The following C10orf67 variants were observed in gnomAD, a reference collection of about 807,000 sequenced individuals.
The protein encoded by C10orf67 is chromosome 10 open reading frame 67, also known as uncharacterized protein C10orf67, mitochondrial.
C10orf67 carries 60 observed loss-of-function variants against 35.6 expected under a neutral mutation model. The ratio of observed to expected loss-of-function variants is 1.68; its 90% confidence interval spans 1.37 to 2.09. C10orf67 has a LOEUF of 2.09. Ranked by LOEUF, C10orf67 falls within the 30% of genes most tolerant of loss-of-function variation. The probability of loss-of-function intolerance (pLI) is 0.00; values close to 1 mark genes in which losing one functional copy is unlikely to be tolerated. For missense variants in C10orf67, 474 were observed against 330.2 expected, an observed-to-expected ratio of 1.44 and a Z score of -3.38; for synonymous variants, 167 against 115.8, an observed-to-expected ratio of 1.44 and a Z score of -2.84.
At chr10:23,259,684 T>C (rs1417426179) in intron 10 of C10orf67, among the ~76,000 whole-genome samples, 3 of 151,860 alleles carry the variant, frequency 2.0e-5, no homozygotes, top group African/African-American at 4.8e-5. Context: ...TGATAAACAA[T>C]AGACAGGGAA....
At chr10:23,338,896 C>T (rs1163698890) in intron 1 of C10orf67, among the ~76,000 whole-genome samples, 1 of 152,096 alleles carries the variant, frequency 6.6e-6, no homozygotes, top group East Asian at 1.9e-4. Flanking sequence ...GTGGCACACA[C>T]CTGCACTGCC....
intron 4 of C10orf67, among the ~76,000 whole-genome samples, chr10:23,310,470 A>C (rs1844457124): frequency 1.3e-5 from 2 of 152,254 alleles, no homozygotes. Flanking sequence ...GTCAATTGAC[A>C]GTAACCTGCT....
chr10:23,226,358 G>A (rs796533168), intron 13 of C10orf67, among the ~76,000 whole-genome samples: 1 of 152,064 alleles, frequency 6.6e-6, no homozygotes, highest in Admixed American at 6.6e-5. Context: ...ATAACAAAAT[G>A]AAGGCAGAAA....
intron 1 of C10orf67, 95 bp downstream of exon 1, chr10:23,344,474 G>A (rs1846058629): frequency 1.7e-6 from 2 of 1,193,122 alleles, no homozygotes; most frequent in East Asian, 5.1e-5. Context: ...TACCCCAGAG[G>A]AAAGCTGCAC....
intron 2 of C10orf67, 37 bp from the exon 3 acceptor site, chr10:23,322,574 C>G (rs1216121956): frequency 7.0e-7 from 1 of 1,435,442 alleles, no homozygotes; most frequent in Non-Finnish European, 9.6e-7. Flanking sequence ...CGAAGTAACA[C>G]AGGAACAGAA....
In C10orf67 at chr10:23,223,909, C is replaced by A. The variant is rs1554803262; in HGVS notation, c.1435-91G>T. ...TAATGTTCTCCAGCCTTTAGTTGAC[C>A]AAGATATGGAAACTATGCTTGTCAC... On this transcript the variant is annotated intron_variant, in intron 13 of 15. Coordinates refer to ENST00000636213, the MANE Select transcript of C10orf67 (RefSeq NM_001371909.1). The A allele has an allele frequency of 1.3e-5, 9 of 679,654 alleles. No homozygotes were observed. The South Asian group carries it at 1.5e-4, about 11-fold the overall frequency. 42.1% of individuals were successfully genotyped at this position (679,654 alleles called of 1,614,324 possible). A position where few individuals can be genotyped will look rare whatever the true frequency, so the allele number is the denominator to read the frequency against.
At chr10:23,230,269 A>C (rs1281978910) in intron 13 of C10orf67, among the ~76,000 whole-genome samples, 3 of 152,182 alleles carry the variant, frequency 2.0e-5, no homozygotes. Context: ...ATAAAAGGAA[A>C]TGAAACCAGA....
intron 1 of C10orf67, among the ~76,000 whole-genome samples, chr10:23,340,071 T>G (rs1845822115): frequency 6.6e-6 from 1 of 152,184 alleles, no homozygotes; most frequent in Non-Finnish European, 1.5e-5. Flanking sequence ...TCCTTCCCAT[T>G]TTAAGCAAAA....
chr10:23,313,982 C>T (rs910558297), intron 4 of C10orf67, among the ~76,000 whole-genome samples: 1 of 136,216 alleles, frequency 7.3e-6, no homozygotes, highest in Non-Finnish European at 1.5e-5. Context: ...CGCTGACTAT[C>T]GAAACTAGTT....
intron 13 of C10orf67, among the ~76,000 whole-genome samples, chr10:23,228,927 G>A (rs1250599401): frequency 1.3e-5 from 2 of 152,066 alleles, no homozygotes; most frequent in Non-Finnish European, 2.9e-5. Flanking sequence ...TAAAAAGCCA[G>A]GAAACAACAG....
intron 15 of C10orf67, among the ~76,000 whole-genome samples, chr10:23,222,433 T>G (rs1269514384): frequency 6.6e-6 from 1 of 152,140 alleles, no homozygotes; most frequent in Non-Finnish European, 1.5e-5. Context: ...CTGCATGTTC[T>G]CACTTATAAG....
rs57874839 is a variant in C10orf67 at position 23,328,685 on chromosome 10, T to TA, written c.327+4376dup. ...GATACCCAGATCCAACTCAAGAGATTAAAAAAAAAAAAAAAAAGCCAGGCA... is the reference window on the plus strand; with the variant it reads ...GATACCCAGATCCAACTCAAGAGATTAAAAAAAAAAAAAAAAAAGCCAGGCA... On this transcript the variant is annotated intron_variant, in intron 2 of 15. Coordinates refer to ENST00000636213, the MANE Select transcript of C10orf67 (RefSeq NM_001371909.1). Among the ~76,000 whole-genome samples, 134 of 138,132 alleles carry TA rather than the reference T, an allele frequency of 9.7e-4. 1 individual carries two copies. Among genetic ancestry groups the TA allele is most frequent in the East Asian group, 7.8e-3 (37 of 4,730 alleles). 90.6% of individuals were successfully genotyped at this position (138,132 alleles called of 152,430 possible). A position where few individuals can be genotyped will look rare whatever the true frequency, so the allele number is the denominator to read the frequency against.
In C10orf67 at chr10:23,320,782, G is replaced by C; in HGVS notation, c.505C>G (p.Gln169Glu). 1.3e-6 allele frequency: 2 copies of C among 1,591,096 alleles called. No homozygotes were observed. Among genetic ancestry groups the C allele is most frequent in the South Asian group, 1.2e-5 (1 of 86,660 alleles). ...EDKMRKSFNQ[Q>E]LADAIAVIKG... Reference sequence around the variant, plus strand: ...ATAACAGCTATGGCATCAGCTAACTGCTGATTGAAGGATTTTCTCATCTTA... The same window carrying C: ...ATAACAGCTATGGCATCAGCTAACTCCTGATTGAAGGATTTTCTCATCTTA... Residue 169 changes from glutamine (Q) to glutamate (E), a missense_variant, in exon 4 of 16, where the codon CAG becomes GAG. Physicochemically the swap from Gln to Glu is conservative, Grantham distance 29. Coordinates refer to ENST00000636213, the MANE Select transcript of C10orf67 (RefSeq NM_001371909.1).
At position 23,247,620 on chromosome 10, in the gene C10orf67, C is replaced by T. The variant is rs185538389; in HGVS notation, c.1346+2835G>A. 2.5e-3 allele frequency among the ~76,000 whole-genome samples: 381 copies of T among 152,190 alleles called. 1 individual carries two copies. The highest frequency in any genetic ancestry group is 4.0e-3 in the Non-Finnish European group (271 of 68,006). ...TATAATATGAGGATATTATGAATAA[C>T]TTTATATCAATAAATTAGACAATTC... On this transcript the variant is annotated intron_variant, in intron 12 of 15. Coordinates refer to ENST00000636213, the MANE Select transcript of C10orf67 (RefSeq NM_001371909.1).
chr10:23,344,056 G>T (rs371468466), intron 1 of C10orf67: 1 of 304,680 alleles, frequency 3.3e-6, no homozygotes, highest in Non-Finnish European at 7.1e-6. Context: ...AGTCGGAGTC[G>T]GGAACCCGGC....
At chr10:23,333,255 T>G in intron 1 of C10orf67, 73 bp from the exon 2 acceptor site, 3 of 1,380,962 alleles carry the variant, frequency 2.2e-6, no homozygotes, top group Non-Finnish European at 3.0e-6. Flanking sequence ...ATGCGTCTTT[T>G]TTTGTGTAAA....
chr10:23,320,235 C>A (rs1378202243), intron 4 of C10orf67, among the ~76,000 whole-genome samples: 1 of 152,110 alleles, frequency 6.6e-6, no homozygotes, highest in African/African-American at 2.4e-5. Flanking sequence ...TATTGAAATG[C>A]GAAGTGAGAA....
At chr10:23,332,619 G>T (rs549067942) in intron 2 of C10orf67, among the ~76,000 whole-genome samples, 1 of 151,652 alleles carries the variant, frequency 6.6e-6, no homozygotes, top group East Asian at 1.9e-4. Context: ...TGGAGGTGGC[G>T]GCTACAGTGA....
chr10:23,232,827 A>G (rs1841947495), intron 13 of C10orf67, among the ~76,000 whole-genome samples: 1 of 152,202 alleles, frequency 6.6e-6, no homozygotes, highest in South Asian at 2.1e-4. Flanking sequence ...TGAAAAAGAA[A>G]CAAAAACAGA....
Sources: allele counts gnomAD v4.1 joint callset (sites outside exome capture counted in the v4.1 genomes callset), GRCh38; gene constraint gnomAD v4.1.1; transcripts MANE v1.5; gene names NCBI Gene and HGNC (gene_info 2026-07-23, HGNC 2026-07-21).